The following JMJD1C variants were observed in gnomAD, a reference collection of about 807,000 sequenced individuals.
The protein encoded by JMJD1C is jumonji domain containing 1C.
In JMJD1C, 31 loss-of-function variants were observed where a neutral mutation model predicts 245.3. That is an observed-to-expected ratio of 0.13 (90% CI 0.09 to 0.17). JMJD1C has a LOEUF of 0.17. Ranked by LOEUF, JMJD1C falls within the 10% of genes least tolerant of loss-of-function variation. The pLI is 1.00. For missense variants in JMJD1C, 2,691 were observed against 3,000.2 expected (o/e 0.90, Z 2.41); for synonymous variants, 1,057 against 1,017.4 (o/e 1.04, Z -0.74).
rs1169965760 is a variant in JMJD1C, at chr10:63,349,002, G to A, written c.333+31316C>T. On this transcript the variant is annotated intron_variant, in intron 2 of 25. Transcript: ENST00000399262. ...TGTAATCCTAGCTACTTGGGAGGCA[G>A]AGGCAGGAGAATCACTTGAATCCAG... Among the ~76,000 whole-genome samples the A allele has an allele frequency of 2.7e-5, 4 of 148,576 alleles. No homozygotes were observed. In the East Asian group the frequency reaches 8.0e-4, roughly 30 times the overall value.
chr10:63,377,165 T>C (rs1163888542), intron 2 of JMJD1C, among the ~76,000 whole-genome samples: 1 of 151,634 alleles, frequency 6.6e-6, no homozygotes. Context: ...AATGAGCCCG[T>C]TACAAAAGGA....
chr10:63,260,959 C>T (rs1247557993), intron 3 of JMJD1C, among the ~76,000 whole-genome samples: 1 of 152,094 alleles, frequency 6.6e-6, no homozygotes, highest in Non-Finnish European at 1.5e-5. Context: ...TCCCAGCTAG[C>T]TAAAAAACAC....
chr10:63,311,471 T>TA (rs1479504037), intron 2 of JMJD1C, among the ~76,000 whole-genome samples: 2 of 151,954 alleles, frequency 1.3e-5, no homozygotes, highest in South Asian at 4.1e-4. Flanking sequence ...TGGAGAAAAG[T>TA]AAAAAACAAT....
intron 1 of JMJD1C, among the ~76,000 whole-genome samples, chr10:63,394,714 C>G (rs1473487802): frequency 6.6e-6 from 1 of 152,070 alleles, no homozygotes; most frequent in Non-Finnish European, 1.5e-5. Context: ...CTTGGTGGCG[C>G]ATGCCTGCAA....
At chr10:63,197,627 T>C (rs1487927833) in intron 12 of JMJD1C, 64 bp from the exon 13 acceptor site, 2 of 1,410,584 alleles carry the variant, frequency 1.4e-6, no homozygotes, top group Non-Finnish European at 1.9e-6. Flanking sequence ...CAATTTTGGC[T>C]GAAATACAGA....
chr10:63,451,902 G>A (rs946052627), intron 1 of JMJD1C, among the ~76,000 whole-genome samples: 1 of 152,148 alleles, frequency 6.6e-6, no homozygotes, highest in African/African-American at 2.4e-5. Context: ...AGAAAATAAA[G>A]CTGGACCCTT....
Position 63,208,139 on chromosome 10 carries a change from G to A in JMJD1C, c.3530C>T (p.Thr1177Ile), listed in dbSNP as rs377087649. Residue 1177 changes from threonine to isoleucine, a missense_variant, in exon 10 of 26, where the codon ACA becomes ATA. Around this residue, in one of 9 missense-constraint regions of JMJD1C, gnomAD observed 1,562 missense variants for 1,490.7 expected, o/e 1.05. Coordinates refer to ENST00000399262, the MANE Select transcript of JMJD1C (RefSeq NM_032776.3). ...ACTCCTACAATCATTTCTGAAGGTT[G>A]TTACTGAGTGAGATGCAATCTGATG... is the stretch of plus-strand genomic sequence containing the variant. ...LPHQIASHSV[T>I]TFRNDCRSPT... 36 of 1,614,048 alleles carry A rather than the reference G, an allele frequency of 2.2e-5. No homozygotes were observed. In the African/African-American group the frequency reaches 2.9e-4, roughly 13 times the overall value.
At chr10:63,340,882 T>C (rs548552055) in intron 2 of JMJD1C, among the ~76,000 whole-genome samples, 81 of 151,824 alleles carry the variant, frequency 5.3e-4, no homozygotes, top group African/African-American at 1.9e-3. Context: ...GAGATGGAGG[T>C]TGCAGTGAGT....
intron 10 of JMJD1C, chr10:63,204,233 G>A (rs769356463): frequency 3.0e-6 from 3 of 985,048 alleles, no homozygotes; most frequent in Non-Finnish European, 3.6e-6. Flanking sequence ...ATATTACTTT[G>A]GACTTGGTGA....
intron 3 of JMJD1C, among the ~76,000 whole-genome samples, chr10:63,249,582 C>T (rs890858999): frequency 1.3e-5 from 2 of 151,938 alleles, no homozygotes; most frequent in African/African-American, 4.8e-5. Flanking sequence ...AATATTGGGC[C>T]GGGCACAGTG....
At chr10:63,374,933 T>C (rs952987415) in intron 2 of JMJD1C, among the ~76,000 whole-genome samples, 6 of 152,156 alleles carry the variant, frequency 3.9e-5, no homozygotes, top group African/African-American at 1.4e-4. Context: ...GTCTTTATGG[T>C]TTTCTAAGTA....
intron 1 of JMJD1C, among the ~76,000 whole-genome samples, chr10:63,434,974 T>A (rs1950982634): frequency 6.6e-6 from 1 of 152,236 alleles, no homozygotes; most frequent in African/African-American, 2.4e-5. Context: ...CTCACAACAC[T>A]TCCTCATACC....
Position 63,207,421 on chromosome 10 carries a change from T to G in JMJD1C, c.4248A>C (p.Val1416=), listed in dbSNP as rs1846765289. ...AAATGGTATTTGATAAAGAGGAAATTACTTCTGAACCACCCCAGCTGGAAA... is the reference window on the plus strand; with the variant it reads ...AAATGGTATTTGATAAAGAGGAAATGACTTCTGAACCACCCCAGCTGGAAA... ...TSVSSWGGSE[V]ISSLSNTILA... The change falls in exon 10 of 26, where the codon GTA becomes GTC. Residue 1416 remains valine (V), a synonymous_variant. Coordinates refer to ENST00000399262, the MANE Select transcript of JMJD1C (RefSeq NM_032776.3). The G allele has an allele frequency of 6.2e-7, 1 of 1,614,070 alleles. No homozygotes were observed. Among genetic ancestry groups the G allele is most frequent in the African/African-American group, 1.3e-5 (1 of 74,938 alleles).
chr10:63,211,823 CAAAAA>C (rs59121081), intron 8 of JMJD1C, among the ~76,000 whole-genome samples: 6 of 77,680 alleles, frequency 7.7e-5, no homozygotes, highest in Admixed American at 1.5e-4. Context: ...GACTCTGTCT[CAAAAA>C]AAAAAAAAAA....
At chr10:63,272,401 G>A (rs576742349) in intron 2 of JMJD1C, among the ~76,000 whole-genome samples, 3 of 152,034 alleles carry the variant, frequency 2.0e-5, no homozygotes, top group Admixed American at 6.5e-5. Flanking sequence ...ACAGGTGCAC[G>A]CCACCACGCC....
chr10:63,283,097 T>A (rs1399231286), intron 2 of JMJD1C, among the ~76,000 whole-genome samples: 2 of 152,128 alleles, frequency 1.3e-5, no homozygotes, highest in Admixed American at 6.6e-5. Context: ...CAGATCTAAC[T>A]GGGAAAGAAA....
At chr10:63,272,306 C>A (rs558181599) in intron 2 of JMJD1C, among the ~76,000 whole-genome samples, 1 of 152,004 alleles carries the variant, frequency 6.6e-6, no homozygotes, top group Non-Finnish European at 1.5e-5. Context: ...GGCTGGAGTG[C>A]AATGGCACAA....
At chr10:63,391,896 A>G (rs929518917) in intron 1 of JMJD1C, among the ~76,000 whole-genome samples, 1 of 152,176 alleles carries the variant, frequency 6.6e-6, no homozygotes, top group Non-Finnish European at 1.5e-5. Context: ...CCGACTTTAA[A>G]ATATATTACA....
chr10:63,423,345 G>A (rs986327266), intron 1 of JMJD1C, among the ~76,000 whole-genome samples: 1 of 151,948 alleles, frequency 6.6e-6, no homozygotes, highest in African/African-American at 2.4e-5. Flanking sequence ...CCCATCCCCT[G>A]GTAATCACTA....
Sources: gnomAD v4.1 joint callset for allele counts (sites outside exome capture counted in the v4.1 genomes callset) on GRCh38, gnomAD v4.1.1 for gene constraint, gnomAD v4.1.1 regional missense constraint, MANE v1.5 for transcripts, NCBI Gene and HGNC (gene_info 2026-07-23, HGNC 2026-07-21) for gene names.